ADAMTS12: variants seen among roughly 807,000 people sequenced by gnomAD.
The protein encoded by ADAMTS12 is ADAM metallopeptidase with thrombospondin type 1 motif 12.
ADAMTS12 carries 118 observed loss-of-function variants against 167.8 expected under a neutral mutation model. The observed-to-expected ratio is 0.70, with a 90% CI of 0.61 to 0.82. The LOEUF (loss-of-function observed/expected upper bound fraction) is 0.82. Among genes scored for constraint, ADAMTS12 ranks in the 40% least tolerant of loss-of-function variants. The probability of loss-of-function intolerance (pLI) is 0.00; values close to 1 mark genes in which losing one functional copy is unlikely to be tolerated. For missense variants in ADAMTS12, 1,916 were observed against 1,998.8 expected (o/e 0.96, Z 0.79); for synonymous variants, 704 against 716.9 (o/e 0.98, Z 0.29).
chr5:33,568,838 G>T (rs1746151794), intron 19 of ADAMTS12, among the ~76,000 whole-genome samples: 1 of 152,206 alleles, frequency 6.6e-6, no homozygotes, highest in South Asian at 2.1e-4. Context: ...TCCCTTTCCT[G>T]GTCAAGGAAA....
intron 3 of ADAMTS12, among the ~76,000 whole-genome samples, chr5:33,730,646 C>G (rs1744161396): frequency 6.6e-6 from 1 of 152,108 alleles, no homozygotes; most frequent in African/African-American, 2.4e-5. Context: ...CATTGACCTA[C>G]AGCAAGCTAG....
intron 2 of ADAMTS12, 178 bp downstream of exon 2, chr5:33,880,941 T>C: frequency 1.2e-6 from 1 of 869,450 alleles, no homozygotes; most frequent in Admixed American, 2.9e-5. Context: ...ATCTCTCAAG[T>C]CGATCTCTTT....
intron 2 of ADAMTS12, among the ~76,000 whole-genome samples, chr5:33,856,740 G>T (rs1395499097): frequency 6.6e-6 from 1 of 152,056 alleles, no homozygotes; most frequent in Non-Finnish European, 1.5e-5. Flanking sequence ...TTATAAAAAA[G>T]ACCAGGGATA....
Position 33,588,783 on chromosome 5 carries a change from C to T in ADAMTS12, c.2681G>A (p.Cys894Tyr). The T allele has an allele frequency of 1.2e-6, 2 of 1,613,712 alleles. No individual in the cohort carries two copies. Among genetic ancestry groups the T allele is most frequent in the African/African-American group, 1.3e-5 (1 of 75,044 alleles). ...PRWWAGEWEA[C>Y]SATCGPHGEK... ...CCCGTGGGGCCCGCATGTCGCCGAG[C>T]ATGCTTCCCACTCCCCTGCCCACCA... Residue 894 changes from cysteine to tyrosine, a missense_variant, in exon 18 of 24, where the codon TGC (cysteine) becomes TAC (tyrosine). Coordinates refer to ENST00000504830, the MANE Select transcript of ADAMTS12 (RefSeq NM_030955.4).
chr5:33,671,657 T>C (rs1411920120), intron 5 of ADAMTS12, among the ~76,000 whole-genome samples: 1 of 152,028 alleles, frequency 6.6e-6, no homozygotes, highest in Non-Finnish European at 1.5e-5. Flanking sequence ...GAACCTGTAG[T>C]CTTTCAGATG....
intron 2 of ADAMTS12, among the ~76,000 whole-genome samples, chr5:33,763,954 T>A (rs111939259): frequency 2.2e-4 from 34 of 152,260 alleles, no homozygotes; most frequent in South Asian, 2.1e-4. Context: ...AAACAGGGAA[T>A]GCATACTTGA....
At chr5:33,638,186 AC>A (rs61024188) in intron 11 of ADAMTS12, among the ~76,000 whole-genome samples, 104,015 of 151,654 alleles carry the variant, frequency 0.69, 37,567 homozygotes, top group Non-Finnish European at 0.81. Context: ...CAATAATCAA[AC>A]CAGTCCAATT....
In ADAMTS12 at chr5:33,576,978, T is replaced by C. The variant is rs1746770432; in HGVS notation, c.3048A>G (p.Pro1016=). ...GTGGAGGGACGGGCTTTAGTGTTGG[T>C]GGGTTTTTTCCATTGGAAATAGTGC... The part of the protein sequence containing the change: ...NKGTISNGKN[P]PTLKPVPPPT... The change falls in exon 19 of 24, where the codon CCA becomes CCG. Residue 1016 remains proline (P), a synonymous_variant. Coordinates refer to ENST00000504830, the MANE Select transcript of ADAMTS12 (RefSeq NM_030955.4). The C allele has an allele frequency of 6.2e-7, 1 of 1,614,070 alleles. No individual in the cohort carries two copies. The highest frequency in any genetic ancestry group is 1.3e-5 in the African/African-American group (1 of 74,938).
intron 23 of ADAMTS12, among the ~76,000 whole-genome samples, chr5:33,534,477 C>T (rs1395663067): frequency 6.6e-6 from 1 of 152,198 alleles, no homozygotes; most frequent in African/African-American, 2.4e-5. Context: ...TCACACTTGA[C>T]TGGGTTCCTA....
At chr5:33,608,799 TTAA>T in intron 16 of ADAMTS12, among the ~76,000 whole-genome samples, 1 of 152,276 alleles carries the variant, frequency 6.6e-6, no homozygotes, top group Non-Finnish European at 1.5e-5. Context: ...GTGGTGATGT[TTAA>T]CAAACCCTGG....
At chr5:33,582,898 A>G (rs1441050549) in intron 18 of ADAMTS12, among the ~76,000 whole-genome samples, 6 of 152,236 alleles carry the variant, frequency 3.9e-5, no homozygotes, top group African/African-American at 1.4e-4. Flanking sequence ...GGTACATGAG[A>G]TGTTTTGAAA....
intron 18 of ADAMTS12, among the ~76,000 whole-genome samples, chr5:33,584,292 T>C (rs1747222644): frequency 6.6e-6 from 1 of 152,234 alleles, no homozygotes; most frequent in South Asian, 2.1e-4. Context: ...GTATTTCCTA[T>C]TAATATGTAA....
intron 12 of ADAMTS12, among the ~76,000 whole-genome samples, chr5:33,631,752 TTAATGAATG>T (rs1379001378): frequency 5.9e-5 from 9 of 152,228 alleles, no homozygotes; most frequent in Non-Finnish European, 8.8e-5. Flanking sequence ...TAATAATTTT[TTAATGAATG>T]TAATGAATGC....
chr5:33,706,792 T>C (rs755594344), intron 3 of ADAMTS12, among the ~76,000 whole-genome samples: 38 of 152,166 alleles, frequency 2.5e-4, no homozygotes, highest in Non-Finnish European at 4.3e-4. Flanking sequence ...TAGGTATTGA[T>C]GGAACATATC....
At chr5:33,542,304 G>A (rs1230489815) in intron 22 of ADAMTS12, among the ~76,000 whole-genome samples, 1 of 152,158 alleles carries the variant, frequency 6.6e-6, no homozygotes, top group Non-Finnish European at 1.5e-5. Context: ...AAATATACAT[G>A]CACCCAATAC....
At chr5:33,686,295 CTG>C (rs1561214302) in intron 3 of ADAMTS12, among the ~76,000 whole-genome samples, 2 of 152,204 alleles carry the variant, frequency 1.3e-5, no homozygotes, top group African/African-American at 4.8e-5. Flanking sequence ...CAGGCAAAGA[CTG>C]TGCTGTGCAC....
chr5:33,562,681 G>A (rs1295599065), intron 19 of ADAMTS12, among the ~76,000 whole-genome samples: 2 of 151,252 alleles, frequency 1.3e-5, no homozygotes, highest in African/African-American at 4.9e-5. Flanking sequence ...GCCCAGGCTG[G>A]AGTGTAGTGG....
intron 19 of ADAMTS12, among the ~76,000 whole-genome samples, chr5:33,571,234 C>A (rs2111935988): frequency 6.6e-6 from 1 of 152,244 alleles, no homozygotes; most frequent in South Asian, 2.1e-4. Context: ...CTCAGCTCTG[C>A]ACCAAGTGGA....
chr5:33,773,292 C>T (rs1335351039), intron 2 of ADAMTS12, among the ~76,000 whole-genome samples: 1 of 152,142 alleles, frequency 6.6e-6, no homozygotes, highest in Non-Finnish European at 1.5e-5. Context: ...TTAGAGCTTC[C>T]TATAATAGAT....
Sources: gnomAD v4.1 joint callset for allele counts (sites outside exome capture counted in the v4.1 genomes callset) on GRCh38, gnomAD v4.1.1 for gene constraint, MANE v1.5 for transcripts, NCBI Gene and HGNC (gene_info 2026-07-23, HGNC 2026-07-21) for gene names.